KDM4C: variants seen among roughly 807,000 people sequenced by gnomAD.
KDM4C encodes the protein lysine demethylase 4C.
In KDM4C, 81 loss-of-function variants were observed where a neutral mutation model predicts 129.3. The ratio of observed to expected loss-of-function variants is 0.63; its 90% CI spans 0.52 to 0.75. KDM4C has a LOEUF of 0.75. KDM4C is among the 30% of genes least tolerant of loss of function. KDM4C has a pLI of 0.00. For synonymous variants in KDM4C, 573 were observed against 456.1 expected (o/e 1.26, Z -3.26); for missense variants, 1,457 against 1,304.0 (o/e 1.12, Z -1.81).
chr9:6,933,751 A>G lies in KDM4C; in HGVS notation c.921+40519A>G, dbSNP rs1033083019. ...AAGAACATGGAGGTTTGGCAATGAA[A>G]GATACTGTGAGGGCAAAGATTTTGG... On this transcript the variant is annotated intron_variant, in intron 8 of 21. Coordinates refer to ENST00000381309, the MANE Select transcript of KDM4C (RefSeq NM_015061.6). Among the ~76,000 whole-genome samples the G allele has an allele frequency of 4.6e-5, 7 of 152,340 alleles. No individual in the cohort carries two copies. In the South Asian group the frequency reaches 6.2e-4, roughly 14 times the overall value.
At chr9:7,166,148 G>A (rs112719966) in intron 20 of KDM4C, among the ~76,000 whole-genome samples, 19 of 152,258 alleles carry the variant, frequency 1.2e-4, no homozygotes, top group African/African-American at 3.9e-4. Context: ...AGGCTAAACT[G>A]TAGAGTGAAA....
intron 4 of KDM4C, chr9:6,835,521 C>G (rs1445757269): frequency 3.5e-5 from 53 of 1,511,308 alleles, no homozygotes; most frequent in Non-Finnish European, 1.8e-6. Context: ...AGATGTGGAT[C>G]AGCAAGCAGG....
At chr9:6,968,287 G>A (rs761579777) in intron 8 of KDM4C, among the ~76,000 whole-genome samples, 1 of 152,174 alleles carries the variant, frequency 6.6e-6, no homozygotes, top group Non-Finnish European at 1.5e-5. Flanking sequence ...ACCAGCCTGG[G>A]TAACATAGTT....
At chr9:6,804,029 G>T (rs1829509066) in intron 2 of KDM4C, among the ~76,000 whole-genome samples, 1 of 152,076 alleles carries the variant, frequency 6.6e-6, no homozygotes, top group Admixed American at 6.6e-5. Context: ...TACCATACTG[G>T]CTAGGCTGGT....
At chr9:6,899,437 A>G (rs1816999700) in intron 8 of KDM4C, among the ~76,000 whole-genome samples, 1 of 152,124 alleles carries the variant, frequency 6.6e-6, no homozygotes, top group South Asian at 2.1e-4. Context: ...TGGGTGTTGT[A>G]CATTCAGTGG....
At chr9:7,037,296 T>G (rs1477607260) in intron 15 of KDM4C, among the ~76,000 whole-genome samples, 2 of 152,202 alleles carry the variant, frequency 1.3e-5, no homozygotes, top group African/African-American at 4.8e-5. Context: ...CTTATGGATA[T>G]GCTACTAAAA....
At chr9:6,813,388 A>T (rs189630797) in intron 3 of KDM4C, among the ~76,000 whole-genome samples, 125 of 152,208 alleles carry the variant, frequency 8.2e-4, no homozygotes, top group African/African-American at 2.8e-3. Flanking sequence ...GGTAAATTCA[A>T]ATTGTTCTAT....
intron 18 of KDM4C, among the ~76,000 whole-genome samples, chr9:7,109,564 C>T (rs1162218532): frequency 4.6e-5 from 7 of 152,166 alleles, no homozygotes; most frequent in Non-Finnish European, 7.3e-5. Flanking sequence ...GGATGTAAGA[C>T]GGGTGGTCAG....
At chr9:6,798,805 C>T (rs796674120) in intron 2 of KDM4C, among the ~76,000 whole-genome samples, 26 of 136,804 alleles carry the variant, frequency 1.9e-4, no homozygotes, top group East Asian at 8.7e-4. Context: ...CTCACTTCCC[C>T]GTAGGGGCGG....
intron 17 of KDM4C, among the ~76,000 whole-genome samples, chr9:7,056,396 G>T (rs945506454): frequency 2.0e-5 from 3 of 151,274 alleles, no homozygotes; most frequent in Admixed American, 6.6e-5. Flanking sequence ...TTAACTGTCA[G>T]AATGATTTGC....
intron 11 of KDM4C, among the ~76,000 whole-genome samples, chr9:6,988,238 A>AT (rs1818090370): frequency 6.6e-6 from 1 of 151,690 alleles, no homozygotes; most frequent in Non-Finnish European, 1.5e-5. Context: ...AGCCAAGCAG[A>AT]TATTCATTCT....
At chr9:6,786,744 G>T (rs1428517633) in intron 1 of KDM4C, among the ~76,000 whole-genome samples, 1 of 152,102 alleles carries the variant, frequency 6.6e-6, no homozygotes, top group Non-Finnish European at 1.5e-5. Flanking sequence ...AGATTAGGAA[G>T]AACTCAAGGA....
rs1346478500 is a variant in KDM4C at position 7,169,050 on chromosome 9, A to T, written c.2902-748A>T. On this transcript the variant is annotated intron_variant, in intron 20 of 21. Transcript: ENST00000381309. Reference sequence around the variant, plus strand: ...ACAGGGCAAGGCCCTGTCTCAATTTAAAAAAAAAAAAAAAAAAAGGAAATA... The same window carrying T: ...ACAGGGCAAGGCCCTGTCTCAATTTTAAAAAAAAAAAAAAAAAAGGAAATA... Among the ~76,000 whole-genome samples the T allele has an allele frequency of 1.7e-4, 4 of 23,420 alleles. No homozygotes were observed. The South Asian group carries it at 2.8e-3, about 16-fold the overall frequency. 15.4% of individuals were successfully genotyped at this position (23,420 alleles called of 152,430 possible).
intron 11 of KDM4C, among the ~76,000 whole-genome samples, chr9:6,987,792 A>C (rs1817986291): frequency 6.6e-6 from 1 of 152,166 alleles, no homozygotes. Flanking sequence ...GATAAAAAAA[A>C]TATGGTCTGG....
In KDM4C at chr9:6,831,191, C is replaced by G. The variant is rs373470392; in HGVS notation, c.435+16446C>G. 6.4e-4 allele frequency among the ~76,000 whole-genome samples: 97 copies of G among 152,160 alleles called. 1 individual carries two copies. Among genetic ancestry groups the G allele is most frequent in the African/African-American group, 2.3e-3 (96 of 41,544 alleles). ...AGAAATATATCAGTCAGACAATATT[C>G]TGCTGCCAGTAATAAAGACCTCAGA... On this transcript the variant is annotated intron_variant, in intron 4 of 21. Coordinates refer to ENST00000381309, the MANE Select transcript of KDM4C (RefSeq NM_015061.6).
intron 4 of KDM4C, among the ~76,000 whole-genome samples, chr9:6,819,284 A>C (rs933792315): frequency 2.6e-5 from 4 of 152,208 alleles, no homozygotes; most frequent in Non-Finnish European, 4.4e-5. Context: ...AGTGCTTATC[A>C]ATTTACTGCT....
At chr9:6,834,141 C>T (rs966645561) in intron 4 of KDM4C, among the ~76,000 whole-genome samples, 8 of 148,560 alleles carry the variant, frequency 5.4e-5, no homozygotes, top group African/African-American at 1.5e-4. Context: ...TGGGTTCAAG[C>T]GGTTCTGGTG....
At chr9:6,933,526 C>A (rs771100579) in intron 8 of KDM4C, among the ~76,000 whole-genome samples, 3 of 152,146 alleles carry the variant, frequency 2.0e-5, no homozygotes, top group Non-Finnish European at 4.4e-5. Context: ...GGGAATCTGG[C>A]TCTGCAAAAT....
At chr9:6,888,446 G>T (rs916486915) in intron 7 of KDM4C, among the ~76,000 whole-genome samples, 1 of 152,118 alleles carries the variant, frequency 6.6e-6, no homozygotes, top group African/African-American at 2.4e-5. Flanking sequence ...AATGATTATG[G>T]TAGCACTATG....
Sources: allele counts gnomAD v4.1 joint callset (sites outside exome capture counted in the v4.1 genomes callset), GRCh38; gene constraint gnomAD v4.1.1; transcripts MANE v1.5; gene names NCBI Gene and HGNC (gene_info 2026-07-23, HGNC 2026-07-21).